PPP1R12B: variants seen among roughly 807,000 people sequenced by gnomAD.
PPP1R12B encodes protein phosphatase 1 regulatory subunit 12B, also known as myosin phosphatase target subunit 2.
A neutral mutation model predicts 126.1 loss-of-function variants in PPP1R12B; 76 were observed. The ratio of observed to expected loss-of-function variants is 0.60; its 90% CI spans 0.50 to 0.73. The LOEUF (loss-of-function observed/expected upper bound fraction) is 0.73, where lower values mean the gene tolerates loss of function less well. Ranked by LOEUF, PPP1R12B falls within the 30% of genes least tolerant of loss-of-function variation. The pLI is 0.00. For missense variants in PPP1R12B, 1,052 were observed against 1,205.1 expected (o/e 0.87, Z 1.88); for synonymous variants, 356 against 434.7 (o/e 0.82, Z 2.25).
At chr1:202,393,377 G>A (rs1300384775) in intron 1 of PPP1R12B, among the ~76,000 whole-genome samples, 1 of 150,374 alleles carries the variant, frequency 6.7e-6, no homozygotes, top group African/African-American at 2.4e-5. Context: ...TTAGCAAAAC[G>A]CAAATCGAAA....
chr1:202,482,311 A>G (rs557689177), intron 13 of PPP1R12B, among the ~76,000 whole-genome samples: 18 of 152,306 alleles, frequency 1.2e-4, no homozygotes, highest in Admixed American at 3.9e-4. Flanking sequence ...AGGAACCTCC[A>G]TACTGTTTTC....
At chr1:202,416,534 A>AG (rs1345281228) in intron 1 of PPP1R12B, among the ~76,000 whole-genome samples, 14 of 151,496 alleles carry the variant, frequency 9.2e-5, no homozygotes, top group African/African-American at 3.2e-4. Flanking sequence ...CTAAAAAAAA[A>AG]AAAAAAAAAA....
chr1:202,351,017 G>A (rs920099885), intron 1 of PPP1R12B, among the ~76,000 whole-genome samples: 1 of 151,910 alleles, frequency 6.6e-6, no homozygotes, highest in African/African-American at 2.4e-5. Context: ...CCATTTATAG[G>A]GCTGACAAGG....
At chr1:202,569,328 A>G (rs1688366529) in intron 23 of PPP1R12B, 131 bp downstream of exon 23, 1 of 926,738 alleles carries the variant, frequency 1.1e-6, no homozygotes, top group Non-Finnish European at 1.6e-6. Context: ...AATGATGTGT[A>G]AAAAAGTGAG....
chr1:202,562,666 C>T (rs756524896), intron 19 of PPP1R12B, 112 bp from the exon 20 acceptor site: 4 of 1,186,948 alleles, frequency 3.4e-6, no homozygotes, highest in Non-Finnish European at 5.0e-6. Flanking sequence ...TTGTTTCTGG[C>T]CAGGGCTCCG....
chr1:202,500,007 T>C (rs1348519218), intron 18 of PPP1R12B, among the ~76,000 whole-genome samples: 1 of 152,262 alleles, frequency 6.6e-6, no homozygotes, highest in African/African-American at 2.4e-5. Context: ...AAGAAACTCT[T>C]AATACGCTAT....
intron 23 of PPP1R12B, chr1:202,576,004 C>T (rs945002285): frequency 1.3e-5 from 2 of 152,370 alleles, no homozygotes; most frequent in Non-Finnish European, 2.9e-5. Context: ...TTGCTTTCTT[C>T]TCCCACCTTA....
chr1:202,420,391 G>A (rs1668593847), intron 2 of PPP1R12B, among the ~76,000 whole-genome samples: 1 of 152,192 alleles, frequency 6.6e-6, no homozygotes, highest in Non-Finnish European at 1.5e-5. Flanking sequence ...AATGAACTTT[G>A]AAAGAAGTGA....
At chr1:202,573,788 A>G (rs1688841967) in intron 23 of PPP1R12B, among the ~76,000 whole-genome samples, 1 of 152,196 alleles carries the variant, frequency 6.6e-6, no homozygotes, top group Admixed American at 6.5e-5. Context: ...ACTGACAGGC[A>G]GAAAGGGCTG....
At chr1:202,370,166 A>G (rs1299338765) in intron 1 of PPP1R12B, 2 of 217,716 alleles carry the variant, frequency 9.2e-6, no homozygotes, top group Admixed American at 1.1e-4. Context: ...GTCTCTCATC[A>G]CTGGTACTAC....
intron 18 of PPP1R12B, among the ~76,000 whole-genome samples, chr1:202,509,050 C>T (rs182985483): frequency 3.3e-5 from 5 of 152,282 alleles, no homozygotes; most frequent in African/African-American, 1.2e-4. Context: ...AAAAGCAGGC[C>T]GGTGGACTGG....
At chr1:202,502,424 A>T (rs1267316486) in intron 18 of PPP1R12B, 2 of 983,914 alleles carry the variant, frequency 2.0e-6, no homozygotes, top group Non-Finnish European at 2.4e-6. Context: ...TGCCATAGAA[A>T]TAAATAGAAA....
chr1:202,367,240 A>G (rs1187344069), intron 1 of PPP1R12B, among the ~76,000 whole-genome samples: 1 of 152,184 alleles, frequency 6.6e-6, no homozygotes, highest in Non-Finnish European at 1.5e-5. Context: ...GAGTATTGTT[A>G]TGTTTAGTTA....
chr1:202,474,827 T>C (rs1676434282), intron 13 of PPP1R12B, among the ~76,000 whole-genome samples: 1 of 152,186 alleles, frequency 6.6e-6, no homozygotes, highest in Admixed American at 6.6e-5. Context: ...GGCAACCATA[T>C]TGGGCTGTGC....
chr1:202,401,363 T>A (rs1180649486), intron 1 of PPP1R12B, among the ~76,000 whole-genome samples: 1 of 113,446 alleles, frequency 8.8e-6, no homozygotes, highest in Non-Finnish European at 1.7e-5. Context: ...CTAATTTAAT[T>A]TTTTTTTTTT....
At chr1:202,486,638 C>T (rs1396954743) in intron 13 of PPP1R12B, among the ~76,000 whole-genome samples, 2 of 152,186 alleles carry the variant, frequency 1.3e-5, no homozygotes, top group East Asian at 1.9e-4. Context: ...GACCTCATCT[C>T]TACTAAAAAT....
rs751414554 is a variant in PPP1R12B at position 202,434,768 on chromosome 1, G to A, written c.1254G>A (p.Arg418=). The part of the protein sequence containing the change: ...QNTFSASSAR[R]FSSGLFNKPE... ...CCTTCTCTGCCTCTTCTGCTAGGAGGGTGAGTACTTTTTACTTAATTTGGG... is the reference window on the plus strand; with the variant it reads ...CCTTCTCTGCCTCTTCTGCTAGGAGAGTGAGTACTTTTTACTTAATTTGGG... Residue 418 remains arginine, a splice_region_variant and synonymous_variant, in exon 9 of 24, where the codon AGG becomes AGA. Coordinates refer to ENST00000608999, the MANE Select transcript of PPP1R12B (RefSeq NM_002481.4). The A allele has an allele frequency of 6.8e-6, 11 of 1,613,024 alleles. No homozygotes were observed. The highest frequency in any genetic ancestry group is 9.3e-6 in the Non-Finnish European group (11 of 1,179,762).
At chr1:202,436,090 T>A (rs1477103994) in intron 9 of PPP1R12B, among the ~76,000 whole-genome samples, 2 of 151,814 alleles carry the variant, frequency 1.3e-5, no homozygotes, top group Non-Finnish European at 2.9e-5. Context: ...GAAAACCCCA[T>A]CTTTACAAAC....
intron 1 of PPP1R12B, among the ~76,000 whole-genome samples, chr1:202,394,268 G>A (rs1166256656): frequency 6.6e-6 from 1 of 151,884 alleles, no homozygotes; most frequent in Non-Finnish European, 1.5e-5. Flanking sequence ...TCATACCACT[G>A]CGCTCCAGTC....
Sources: allele counts gnomAD v4.1 joint callset (sites outside exome capture counted in the v4.1 genomes callset), GRCh38; gene constraint gnomAD v4.1.1; transcripts MANE v1.5; gene names NCBI Gene and HGNC (gene_info 2026-07-23, HGNC 2026-07-21).